The following CDK5RAP2 variants were observed in gnomAD, a reference collection of about 807,000 sequenced individuals.
CDK5RAP2 encodes the protein CDK5 regulatory subunit associated protein 2.
CDK5RAP2 carries 147 observed loss-of-function variants against 232.9 expected under a neutral mutation model. That is an observed-to-expected ratio of 0.63 (90% CI 0.55 to 0.72). The LOEUF is 0.72. Among genes scored for constraint, CDK5RAP2 ranks in the 30% least tolerant of loss-of-function variants. The probability of loss-of-function intolerance (pLI) is 0.00; values close to 1 mark genes in which losing one functional copy is unlikely to be tolerated. For missense variants in CDK5RAP2, 2,195 were observed against 2,231.5 expected (o/e 0.98, Z 0.33); for synonymous variants, 833 against 833.7 (o/e 1.00, Z 0.01).
At chr9:120,563,732 T>C (rs558468443) in intron 3 of CDK5RAP2, among the ~76,000 whole-genome samples, 1 of 152,298 alleles carries the variant, frequency 6.6e-6, no homozygotes, top group African/African-American at 2.4e-5. Context: ...TTCTGAAAGC[T>C]TCGGGGCCAT....
At chr9:120,522,472 G>C (rs149116658) in intron 11 of CDK5RAP2, among the ~76,000 whole-genome samples, 2 of 152,180 alleles carry the variant, frequency 1.3e-5, no homozygotes, top group Admixed American at 1.3e-4. Context: ...ATGTATATAT[G>C]CATAAATATG....
intron 25 of CDK5RAP2, among the ~76,000 whole-genome samples, chr9:120,433,407 C>T (rs2035393522): frequency 6.6e-6 from 1 of 152,172 alleles, no homozygotes; most frequent in African/African-American, 2.4e-5. Flanking sequence ...CCAAGCAAGG[C>T]TTCACATCCA....
At chr9:120,503,579 T>A (rs1370142914) in intron 12 of CDK5RAP2, among the ~76,000 whole-genome samples, 4 of 152,190 alleles carry the variant, frequency 2.6e-5, no homozygotes, top group African/African-American at 9.7e-5. Flanking sequence ...CAGACAGCCC[T>A]AGTCTTGAAT....
intron 6 of CDK5RAP2, among the ~76,000 whole-genome samples, chr9:120,538,294 A>G (rs2041480876): frequency 6.6e-6 from 1 of 152,214 alleles, no homozygotes; most frequent in Admixed American, 6.5e-5. Flanking sequence ...ATTTCTCTCC[A>G]TATCTAAAAA....
At chr9:120,490,279 G>A (rs1232389918) in intron 13 of CDK5RAP2, among the ~76,000 whole-genome samples, 1 of 152,176 alleles carries the variant, frequency 6.6e-6, no homozygotes, top group Non-Finnish European at 1.5e-5. Context: ...ACCCCCAATT[G>A]TCAGCATTTT....
At chr9:120,523,314 A>G (rs1011790214) in intron 11 of CDK5RAP2, among the ~76,000 whole-genome samples, 1 of 152,206 alleles carries the variant, frequency 6.6e-6, no homozygotes, top group East Asian at 1.9e-4. Flanking sequence ...AAATATCACA[A>G]TGTTTATGCC....
intron 8 of CDK5RAP2, among the ~76,000 whole-genome samples, chr9:120,529,067 T>C (rs2131909510): frequency 6.6e-6 from 1 of 152,144 alleles, no homozygotes; most frequent in Non-Finnish European, 1.5e-5. Context: ...AAAGGCCTAC[T>C]AGAGGGCCGT....
intron 6 of CDK5RAP2, 109 bp downstream of exon 6, chr9:120,538,932 C>T (rs1040200434): frequency 1.8e-6 from 2 of 1,140,484 alleles, no homozygotes; most frequent in Non-Finnish European, 2.6e-6. Flanking sequence ...ATAAGGGTAG[C>T]TGTTGTTTCT....
At chr9:120,401,199 G>A (rs942490429) in intron 34 of CDK5RAP2, among the ~76,000 whole-genome samples, 1 of 151,678 alleles carries the variant, frequency 6.6e-6, no homozygotes, top group Non-Finnish European at 1.5e-5. Context: ...ACTGTTTGGC[G>A]ACCCACAGAG....
At position 120,477,411 on chromosome 9, in the gene CDK5RAP2, C is replaced by T. The variant is rs768981935; in HGVS notation, c.1666G>A (p.Val556Ile). 1.2e-6 allele frequency: 2 copies of T among 1,613,832 alleles called. No homozygotes were observed. Among genetic ancestry groups the T allele is most frequent in the Admixed American group, 1.7e-5 (1 of 60,026 alleles). ...TAGATGTCCTGCTCTTTCTTTAAGA[C>T]CTGAATCAGCTCTTCATAGTCTGAT... ...QSSDYEELIQ[V>I]LKKEQDIYTH... Residue 556 changes from valine (V) to isoleucine (I), a missense_variant, in exon 15 of 38, where the codon GTC (valine) becomes ATC (isoleucine). By Grantham distance (29) the Val-to-Ile change is conservative (BLOSUM62 3). Coordinates refer to ENST00000349780, the MANE Select transcript of CDK5RAP2 (RefSeq NM_018249.6).
intron 14 of CDK5RAP2, among the ~76,000 whole-genome samples, chr9:120,486,409 TAAAA>T (rs34029371): frequency 1.5e-5 from 2 of 132,836 alleles, no homozygotes; most frequent in East Asian, 2.1e-4. Context: ...GTTTTTCTTT[TAAAA>T]AAAAAAAAAA....
At position 120,528,733 on chromosome 9, in the gene CDK5RAP2, T is replaced by A; in HGVS notation, c.879+11A>T. On this transcript the variant is annotated intron_variant, in intron 9 of 37. Transcript: ENST00000349780. The stretch of plus-strand genomic sequence containing the variant: ...ATCTTCAATACATTTTTTAAAATTG[T>A]ATCAACATACCTGGATCCTCTCTTC... 1.3e-6 allele frequency: 2 copies of A among 1,554,058 alleles called. No individual in the cohort carries two copies. Among genetic ancestry groups the A allele is most frequent in the Non-Finnish European group, 1.8e-6 (2 of 1,124,820 alleles).
chr9:120,464,031 C>T (rs1384405783), intron 18 of CDK5RAP2, among the ~76,000 whole-genome samples: 1 of 152,226 alleles, frequency 6.6e-6, no homozygotes, highest in African/African-American at 2.4e-5. Flanking sequence ...CTATCCCCTG[C>T]AAGCTGGCTT....
chr9:120,579,944 A>G lies in CDK5RAP2; in HGVS notation c.35T>C (p.Val12Ala), dbSNP rs777295408. Residue 12 changes from valine to alanine, a missense_variant, in exon 1 of 38, where the codon GTC becomes GCC. Physicochemically the swap from Val to Ala is moderately conservative, Grantham distance 64 (BLOSUM62 0). Coordinates refer to ENST00000349780, the MANE Select transcript of CDK5RAP2 (RefSeq NM_018249.6). ...CCTGCAGCCGCTGAGCGTCCCAGGG[A>G]CGGTGACGTCCTCTTCCAACACCAA... ...MDLVLEEDVT[V>A]PGTLSGCSGL... 3 of 1,613,370 alleles carry G rather than the reference A, an allele frequency of 1.9e-6. No individual in the cohort carries two copies. In the African/African-American group the frequency reaches 4.0e-5, roughly 22 times the overall value.
intron 35 of CDK5RAP2, among the ~76,000 whole-genome samples, chr9:120,396,992 T>A (rs1415051853): frequency 1.3e-5 from 2 of 152,284 alleles, no homozygotes; most frequent in African/African-American, 4.8e-5. Flanking sequence ...GCTAACTCCC[T>A]CAAGATTTCC....
chr9:120,462,440 TAAA>T (rs772351673), intron 18 of CDK5RAP2, among the ~76,000 whole-genome samples: 1 of 132,372 alleles, frequency 7.6e-6, no homozygotes. Context: ...CTCATCAAAT[TAAA>T]AAAAAAAAAA....
At position 120,487,298 on chromosome 9, in the gene CDK5RAP2, G is replaced by A; in HGVS notation, c.1622C>T (p.Ser541Phe). 6.2e-7 allele frequency: 1 copy of A among 1,614,072 alleles called. No individual in the cohort carries two copies. Among genetic ancestry groups the A allele is most frequent in the Non-Finnish European group, 8.5e-7 (1 of 1,180,012 alleles). ...TCCAATTTCAGTCAAGCTTACCTTA[G>A]AGAAGATGGTTTTGCTGCCTGGTGG... ...QQPPGSKTIF[S>F]KEKKQSSDYE... The change falls in exon 14 of 38, where the codon TCT becomes TTT. Residue 541 changes from serine (S) to phenylalanine (F), a missense_variant. By Grantham distance (155) the Ser-to-Phe change is radical (BLOSUM62 -2). Transcript: ENST00000349780.
intron 12 of CDK5RAP2, among the ~76,000 whole-genome samples, chr9:120,496,797 C>A (rs2039292492): frequency 7.5e-6 from 1 of 133,960 alleles, no homozygotes; most frequent in Non-Finnish European, 1.6e-5. Context: ...GGGGGGTCAG[C>A]CCCCCTGCCC....
At chr9:120,408,743 C>T (rs931055895) in intron 30 of CDK5RAP2, among the ~76,000 whole-genome samples, 1 of 152,272 alleles carries the variant, frequency 6.6e-6, no homozygotes, top group Non-Finnish European at 1.5e-5. Flanking sequence ...AGCCCCCTCT[C>T]CAGATACACT....
Sources: allele counts gnomAD v4.1 joint callset (sites outside exome capture counted in the v4.1 genomes callset), GRCh38; gene constraint gnomAD v4.1.1; transcripts MANE v1.5; gene names NCBI Gene and HGNC (gene_info 2026-07-23, HGNC 2026-07-21).